Variants in KLHDC8A observed in about 807,000 individuals in gnomAD.
The protein encoded by KLHDC8A is kelch domain containing 8A.
KLHDC8A carries 21 observed loss-of-function variants against 33.1 expected under a neutral mutation model. The ratio of observed to expected loss-of-function variants is 0.64; its 90% CI spans 0.45 to 0.91. The LOEUF (loss-of-function observed/expected upper bound fraction) is 0.91. Among genes scored for constraint, KLHDC8A ranks in the 40% least tolerant of loss-of-function variants. The pLI is 0.00. For synonymous variants in KLHDC8A, 173 were observed against 193.5 expected, an observed-to-expected ratio of 0.89 and a Z score of 0.88; for missense variants, 435 against 483.3, an observed-to-expected ratio of 0.90 and a Z score of 0.94.
intron 1 of KLHDC8A, among the ~76,000 whole-genome samples, chr1:205,353,641 C>T (rs1325998195): frequency 3.3e-5 from 5 of 152,138 alleles, no homozygotes; most frequent in East Asian, 3.9e-4. Flanking sequence ...TCAATCCTCC[C>T]GCCTCAGTCT....
intron 1 of KLHDC8A, among the ~76,000 whole-genome samples, chr1:205,347,386 G>A (rs574507867): frequency 1.3e-5 from 2 of 152,216 alleles, no homozygotes; most frequent in African/African-American, 4.8e-5. Context: ...AAAATCTTGC[G>A]TAACATTAAG....
chr1:205,346,509 A>G (rs1352237254), intron 1 of KLHDC8A, among the ~76,000 whole-genome samples: 1 of 151,910 alleles, frequency 6.6e-6, no homozygotes, highest in East Asian at 1.9e-4. Context: ...ACAGAGCTCC[A>G]CTCTGTATGT....
rs148197827 is a variant in KLHDC8A at position 205,356,088 on chromosome 1, C to T, written c.-190+445G>A. Among the ~76,000 whole-genome samples, 1,416 of 151,930 alleles carry T rather than the reference C, an allele frequency of 9.3e-3. 30 individuals carry two copies. Among genetic ancestry groups the T allele is most frequent in the South Asian group, 0.073 (350 of 4,766 alleles). On this transcript the variant is annotated intron_variant, in intron 1 of 5. Coordinates refer to ENST00000367155, the MANE Select transcript of KLHDC8A (RefSeq NM_018203.3). ...GTTTCTCAGCCCTTGTCCCCCTCCC[C>T]CCCTCCCTCCTTTTTGAGTTCCCAG...
Position 205,337,397 on chromosome 1 carries a change from AG to A in KLHDC8A, c.*1del. The A allele has an allele frequency of 6.2e-7, 1 of 1,611,232 alleles. No homozygotes were observed. Among genetic ancestry groups the A allele is most frequent in the Non-Finnish European group, 8.5e-7 (1 of 1,178,390 alleles). On this transcript the variant is annotated 3_prime_UTR_variant, in exon 6 of 6. Transcript: ENST00000367155. ...GGGCAAAGGTACTGAGCCCAGAGAC[AG>A]CTAGGAGTCAGAGACACACAGGGCC...
intron 1 of KLHDC8A, among the ~76,000 whole-genome samples, chr1:205,348,911 G>A (rs1663019107): frequency 6.6e-6 from 1 of 152,168 alleles, no homozygotes; most frequent in African/African-American, 2.4e-5. Context: ...TTCTAATCTG[G>A]AGAACAGCTG....
intron 1 of KLHDC8A, chr1:205,351,211 C>T: frequency 1.3e-6 from 1 of 780,926 alleles, no homozygotes; most frequent in Admixed American, 1.7e-5. Context: ...ACTTTAAGAG[C>T]AGGCTTTCGA....
At chr1:205,344,970 T>C (rs955294261) in intron 1 of KLHDC8A, among the ~76,000 whole-genome samples, 1 of 152,140 alleles carries the variant, frequency 6.6e-6, no homozygotes, top group Non-Finnish European at 1.5e-5. Context: ...GGAAACCTGA[T>C]GATCAAATCT....
chr1:205,356,819 G>T lies in KLHDC8A; in HGVS notation c.-476C>A. ...GAAACTTGGGGTCCCTGAGTTCCAG[G>T]AGGCGTGACCCCCCTACTGAGAGGG... On this transcript the variant is annotated 5_prime_UTR_variant, in exon 1 of 6. Coordinates refer to ENST00000367155, the MANE Select transcript of KLHDC8A (RefSeq NM_018203.3). The T allele has an allele frequency of 3.4e-6, 1 of 297,830 alleles. No homozygotes were observed. Among genetic ancestry groups the T allele is most frequent in the East Asian group, 9.5e-5 (1 of 10,478 alleles). 18.4% of individuals were successfully genotyped at this position (297,830 alleles called of 1,614,324 possible). A position where few individuals can be genotyped will look rare whatever the true frequency, so the allele number is the denominator to read the frequency against.
chr1:205,343,941 G>A, intron 1 of KLHDC8A, 148 bp from the exon 2 acceptor site: 1 of 264,728 alleles, frequency 3.8e-6, no homozygotes, highest in Non-Finnish European at 7.1e-6. Context: ...ACCCTGCACT[G>A]CTTGGTCCCC....
At chr1:205,343,869 C>G (rs1662869069) in intron 1 of KLHDC8A, 76 bp from the exon 2 acceptor site, 1 of 462,684 alleles carries the variant, frequency 2.2e-6, no homozygotes, top group African/African-American at 2.1e-5. Flanking sequence ...GGCTCCGCAG[C>G]CCCTGGTCAA....
upstream of KLHDC8A, chr1:205,356,923 G>C (rs1254252360): frequency 1.6e-5 from 3 of 191,972 alleles, no homozygotes; most frequent in Non-Finnish European, 3.3e-5. Context: ...CCCGCTCTGC[G>C]AGGAGAGCGG....
rs1662693971 is a variant in KLHDC8A at position 205,338,437 on chromosome 1, A to G, written c.859+58T>C. 2.2e-6 allele frequency: 3 copies of G among 1,352,660 alleles called. No homozygotes were observed. The African/African-American group carries it at 4.3e-5, about 19-fold the overall frequency. The allele number at this position is 1,352,660 out of a possible 1,614,324, so 83.8% of individuals were successfully genotyped here. ...CCCTTTCCTGCATATGCAAAGTGCC[A>G]AGGATCCACTGAGCACCAGAACCAC... is the stretch of plus-strand genomic sequence containing the variant. On this transcript the variant is annotated intron_variant, in intron 5 of 5. Coordinates refer to ENST00000367155, the MANE Select transcript of KLHDC8A (RefSeq NM_018203.3).
At chr1:205,356,416 C>T (rs1324130579) in intron 1 of KLHDC8A, 117 bp downstream of exon 1, 4 of 417,408 alleles carry the variant, frequency 9.6e-6, no homozygotes, top group Non-Finnish European at 9.8e-6. Context: ...GACCCCCATG[C>T]CAGCCTGTCT....
rs147771161 is a variant in KLHDC8A, at chr1:205,338,426, T to C, written c.859+69A>G. 3.2e-4 allele frequency: 399 copies of C among 1,263,212 alleles called. 2 individuals are homozygous for C. The East Asian group carries it at 8.1e-3, about 26-fold the overall frequency. The allele number at this position is 1,263,212 out of a possible 1,614,324, so 78.3% of individuals were successfully genotyped here. ...GGGAGTCAGTACCCTTTCCTGCATA[T>C]GCAAAGTGCCAAGGATCCACTGAGC... On this transcript the variant is annotated intron_variant, in intron 5 of 5. Coordinates refer to ENST00000367155, the MANE Select transcript of KLHDC8A (RefSeq NM_018203.3).
intron 1 of KLHDC8A, 81 bp downstream of exon 1, chr1:205,356,452 C>G: frequency 2.2e-6 from 1 of 445,692 alleles, no homozygotes; most frequent in East Asian, 7.1e-5. Flanking sequence ...CTCTCACAGA[C>G]ACCACTGCCT....
At chr1:205,355,899 C>A (rs1386920729) in intron 1 of KLHDC8A, among the ~76,000 whole-genome samples, 1 of 152,186 alleles carries the variant, frequency 6.6e-6, no homozygotes, top group Non-Finnish European at 1.5e-5. Context: ...CCAAGCACAG[C>A]AATGTGTATG....
intron 1 of KLHDC8A, among the ~76,000 whole-genome samples, chr1:205,347,510 G>C (rs531981769): frequency 4.6e-5 from 7 of 152,258 alleles, no homozygotes; most frequent in African/African-American, 1.7e-4. Flanking sequence ...CATGAGTCCA[G>C]GAGTTCGAGA....
At chr1:205,341,439 C>A (rs1245845657) in intron 2 of KLHDC8A, among the ~76,000 whole-genome samples, 1 of 152,150 alleles carries the variant, frequency 6.6e-6, no homozygotes, top group Admixed American at 6.5e-5. Flanking sequence ...ACAAGATCCA[C>A]CCCTCCCATC....
At chr1:205,353,649 T>C (rs4287234) in intron 1 of KLHDC8A, among the ~76,000 whole-genome samples, 122,145 of 152,132 alleles carry the variant, frequency 0.8, 49,145 homozygotes, top group African/African-American at 0.86. Flanking sequence ...CCCGCCTCAG[T>C]CTCCTGAGTA....
Sources: gnomAD v4.1 joint callset for allele counts (sites outside exome capture counted in the v4.1 genomes callset) on GRCh38, gnomAD v4.1.1 for gene constraint, MANE v1.5 for transcripts, NCBI Gene and HGNC (gene_info 2026-07-23, HGNC 2026-07-21) for gene names.